The following TMEM95 variants were observed in gnomAD, a reference collection of about 807,000 sequenced individuals.
TMEM95 encodes the protein transmembrane protein 95.
Under a neutral mutation model 27.7 loss-of-function variants are expected in TMEM95, and 21 were observed. The observed-to-expected ratio is 0.76, with a 90% CI of 0.54 to 1.09. The LOEUF (loss-of-function observed/expected upper bound fraction) is 1.09. Ranked by LOEUF, TMEM95 falls within the 50% of genes least tolerant of loss-of-function variation. TMEM95 has a pLI of 0.00. For synonymous variants in TMEM95, 77 were observed against 85.7 expected, an observed-to-expected ratio of 0.90 and a Z score of 0.56; for missense variants, 203 against 217.9, an observed-to-expected ratio of 0.93 and a Z score of 0.43.
In TMEM95 at chr17:7,356,628, T is replaced by C. The variant is rs758341451; in HGVS notation, c.527T>C (p.Leu176Ser). The C allele has an allele frequency of 8.7e-6, 14 of 1,612,122 alleles. No individual in the cohort carries two copies. In the African/African-American group the frequency reaches 1.7e-4, roughly 20 times the overall value. ...ESHHLQAKSG[L>S] Reference sequence around the variant, plus strand: ...CACCACCTCCAAGCAAAAAGTGGCTTGTGAAGACGCTGAAAACCTCCCAGC... The same window carrying C: ...CACCACCTCCAAGCAAAAAGTGGCTCGTGAAGACGCTGAAAACCTCCCAGC... The change falls in exon 7 of 7, where the codon TTG becomes TCG. Residue 176 changes from leucine (L) to serine (S), a missense_variant. Leu to Ser is a moderately radical substitution (Grantham distance 145). Transcript: ENST00000576060.
At chr17:7,356,167 C>A in intron 4 of TMEM95, 29 bp from the exon 5 acceptor site, 2 of 1,582,770 alleles carry the variant, frequency 1.3e-6, no homozygotes, top group South Asian at 1.1e-5. Context: ...GCCTCCCCTC[C>A]CCAGCGTTGC....
In TMEM95 at chr17:7,356,627, T is replaced by C; in HGVS notation, c.526T>C (p.Leu176=). Residue 176 remains leucine (L), a synonymous_variant, in exon 7 of 7, where the codon TTG becomes CTG. Coordinates refer to ENST00000576060, the MANE Select transcript of TMEM95 (RefSeq NM_001320436.2). ...ESHHLQAKSG[L] is the part of the protein sequence containing the mutation. Reference sequence around the variant, plus strand: ...CCACCACCTCCAAGCAAAAAGTGGCTTGTGAAGACGCTGAAAACCTCCCAG... The same window carrying C: ...CCACCACCTCCAAGCAAAAAGTGGCCTGTGAAGACGCTGAAAACCTCCCAG... 1 of 1,611,840 alleles carries C rather than the reference T, an allele frequency of 6.2e-7. No homozygotes were observed. The highest frequency in any genetic ancestry group is 1.3e-5 in the African/African-American group (1 of 74,780).
chr17:7,356,787 A>C lies in TMEM95; in HGVS notation c.*155A>C. ...CATCCCTGCTTCTGGTTGGTGAGAT[A>C]ATGAAAAACAAGAAAATCCCCAAAA... On this transcript the variant is annotated 3_prime_UTR_variant, in exon 7 of 7. Coordinates refer to ENST00000576060, the MANE Select transcript of TMEM95 (RefSeq NM_001320436.2). 1.2e-6 allele frequency: 1 copy of C among 808,432 alleles called. No individual in the cohort carries two copies. Among genetic ancestry groups the C allele is most frequent in the Non-Finnish European group, 1.9e-6 (1 of 527,656 alleles). 50.1% of individuals were successfully genotyped at this position (808,432 alleles called of 1,614,324 possible).
At chr17:7,356,143 AG>A in intron 4 of TMEM95, 52 bp from the exon 5 acceptor site, 2 of 1,599,812 alleles carry the variant, frequency 1.3e-6, no homozygotes, top group East Asian at 2.2e-5. Flanking sequence ...GGTACCAGGC[AG>A]GGTGGAGGCC....
chr17:7,355,416 C>T lies in TMEM95; in HGVS notation c.169+43C>T, dbSNP rs753768087. On this transcript the variant is annotated intron_variant, in intron 1 of 6. Coordinates refer to ENST00000576060, the MANE Select transcript of TMEM95 (RefSeq NM_001320436.2). The surrounding 1 kb of genome is among the most constrained non-coding windows in gnomAD (Gnocchi z 4.9). ...GGGATGGGCCCAGCAAGCACTCACC[C>T]CCCTACCCCCAGAGGGTGGCATGTG... 6.3e-6 allele frequency: 10 copies of T among 1,587,210 alleles called. No individual in the cohort carries two copies. Among genetic ancestry groups the T allele is most frequent in the Admixed American group, 5.3e-5 (3 of 56,608 alleles).
At chr17:7,356,509 A>G in intron 6 of TMEM95, 30 bp downstream of exon 6, 2 of 1,611,444 alleles carry the variant, frequency 1.2e-6, no homozygotes, top group Non-Finnish European at 1.7e-6. Flanking sequence ...CAGGAATCCT[A>G]CCCCGCCCAG....
chr17:7,355,572 G>T lies in TMEM95; in HGVS notation c.170-14G>T. On this transcript the variant is annotated splice_polypyrimidine_tract_variant and intron_variant, in intron 1 of 6. Coordinates refer to ENST00000576060, the MANE Select transcript of TMEM95 (RefSeq NM_001320436.2). This position sits in a 1 kb window ranked among gnomAD's most constrained non-coding sequence, Gnocchi z 4.9. The stretch of plus-strand genomic sequence containing the variant: ...GCTGATGAGGGAATCGCTGGTCCTT[G>T]CCCATCTCCACAGATGAGGTGTCCA... 6.4e-7 allele frequency: 1 copy of T among 1,554,012 alleles called. No homozygotes were observed. The highest frequency in any genetic ancestry group is 8.7e-7 in the Non-Finnish European group (1 of 1,148,090).
In TMEM95 at chr17:7,355,951, T is replaced by C; in HGVS notation, c.307+33T>C. 1 of 1,613,744 alleles carries C rather than the reference T, an allele frequency of 6.2e-7. No individual in the cohort carries two copies. ...TGCGGGATGGGCCTCAAGGGGAGCC[T>C]AGGGTCTTAACCAAAGGAATGTGTG... is the stretch of plus-strand genomic sequence containing the variant. On this transcript the variant is annotated intron_variant, in intron 3 of 6. Transcript: ENST00000576060. The surrounding 1 kb of genome is among the most constrained non-coding windows in gnomAD (Gnocchi z 4.9).
chr17:7,356,761 A>G lies in TMEM95; in HGVS notation c.*129A>G. The stretch of plus-strand genomic sequence containing the variant: ...ACAGTCTCCAGACCCTAAAACCCAG[A>G]CATCCCTGCTTCTGGTTGGTGAGAT... On this transcript the variant is annotated 3_prime_UTR_variant, in exon 7 of 7. Coordinates refer to ENST00000576060, the MANE Select transcript of TMEM95 (RefSeq NM_001320436.2). 3.1e-6 allele frequency: 3 copies of G among 969,528 alleles called. No individual in the cohort carries two copies. The highest frequency in any genetic ancestry group is 1.7e-5 in the African/African-American group (1 of 60,114). The allele number at this position is 969,528 out of a possible 1,614,324, so 60.1% of individuals were successfully genotyped here. A position where few individuals can be genotyped will look rare whatever the true frequency, so the allele number is the denominator to read the frequency against.
rs193147964 is a variant in TMEM95 at position 7,356,707 on chromosome 17, C to G, written c.*75C>G. 2.0e-6 allele frequency: 3 copies of G among 1,517,684 alleles called. No individual in the cohort carries two copies. The African/African-American group carries it at 4.1e-5, about 21-fold the overall frequency. 94.0% of individuals were successfully genotyped at this position (1,517,684 alleles called of 1,614,324 possible). On this transcript the variant is annotated 3_prime_UTR_variant, in exon 7 of 7. Transcript: ENST00000576060. Reference sequence around the variant, plus strand: ...ACTTCCACATCCCTTGGAGGGGAACCAGTCAGCCCCTTAGTCCCAGCTCCA... The same window carrying G: ...ACTTCCACATCCCTTGGAGGGGAACGAGTCAGCCCCTTAGTCCCAGCTCCA...
chr17:7,355,756 G>T lies in TMEM95; in HGVS notation c.227-82G>T. 1.3e-6 allele frequency: 2 copies of T among 1,496,898 alleles called. No homozygotes were observed. Among genetic ancestry groups the T allele is most frequent in the South Asian group, 1.1e-5 (1 of 88,538 alleles). The allele number at this position is 1,496,898 out of a possible 1,614,324, so 92.7% of individuals were successfully genotyped here. A position where few individuals can be genotyped will look rare whatever the true frequency, so the allele number is the denominator to read the frequency against. On this transcript the variant is annotated intron_variant, in intron 2 of 6. Coordinates refer to ENST00000576060, the MANE Select transcript of TMEM95 (RefSeq NM_001320436.2). The surrounding 1 kb of genome is among the most constrained non-coding windows in gnomAD (Gnocchi z 4.9). ...GTGGAGGGGTAGAGACAGGAGGGCTGATCAGGGAGGGGCTGCGTGAAGAGA... is the reference window on the plus strand; with the variant it reads ...GTGGAGGGGTAGAGACAGGAGGGCTTATCAGGGAGGGGCTGCGTGAAGAGA...
At position 7,355,591 on chromosome 17, in the gene TMEM95, G is replaced by A; in HGVS notation, c.175G>A (p.Val59Met). 1.3e-6 allele frequency: 2 copies of A among 1,555,384 alleles called. No homozygotes were observed. The highest frequency in any genetic ancestry group is 1.4e-5 in the African/African-American group (1 of 73,278). The change falls in exon 2 of 7, where the codon GTG (valine) becomes ATG (methionine). Residue 59 changes from valine to methionine, a missense_variant. Transcript: ENST00000576060. This position sits in a 1 kb window ranked among gnomAD's most constrained non-coding sequence, Gnocchi z 4.9. ...PDFSAFALDE[V>M]SMNKVTEKTH... ...GTCCTTGCCCATCTCCACAGATGAG[G>A]TGTCCATGAACAAAGTCACAGAGAA...
chr17:7,356,130 C>A, intron 4 of TMEM95, 66 bp from the exon 5 acceptor site: 1 of 1,607,632 alleles, frequency 6.2e-7, no homozygotes, highest in Non-Finnish European at 8.5e-7. Context: ...CAGGAGGAAG[C>A]TGGGTACCAG....
At position 7,355,895 on chromosome 17, in the gene TMEM95, A is replaced by G; in HGVS notation, c.284A>G (p.Lys95Arg). The G allele has an allele frequency of 6.2e-7, 1 of 1,613,938 alleles. No homozygotes were observed. The stretch of plus-strand genomic sequence containing the variant: ...TATTGGAGTTGGCTTCGAAAGACCA[A>G]GCTCCCTGAGTACACCAGGGAAGGT... ...PSYWSWLRKT[K>R]LPEYTREALC... The change falls in exon 3 of 7, where the codon AAG (lysine) becomes AGG (arginine). Residue 95 changes from lysine (K) to arginine (R), a missense_variant. By Grantham distance (26) the Lys-to-Arg change is conservative. Coordinates refer to ENST00000576060, the MANE Select transcript of TMEM95 (RefSeq NM_001320436.2). This position sits in a 1 kb window ranked among gnomAD's most constrained non-coding sequence, Gnocchi z 4.9.
chr17:7,356,879 G>C lies in TMEM95; in HGVS notation c.*247G>C. 3 of 529,246 alleles carry C rather than the reference G, an allele frequency of 5.7e-6. No individual in the cohort carries two copies. The highest frequency in any genetic ancestry group is 1.0e-5 in the Non-Finnish European group (3 of 297,246). The allele number at this position is 529,246 out of a possible 1,614,324, so 32.8% of individuals were successfully genotyped here. ...GAACCCAGGCACCCACAGCTGGAAA[G>C]TTCCTCCCCTCCAGCCCTCAACCAA... On this transcript the variant is annotated 3_prime_UTR_variant, in exon 7 of 7. Transcript: ENST00000576060.
rs2073480754 is a variant in TMEM95 at position 7,355,682 on chromosome 17, G to A, written c.226+40G>A. ...AAAGAGTGACCTAGGGGCTTGGGAG[G>A]ATACCAAGGAGAGGGACGGGTGACA... On this transcript the variant is annotated intron_variant, in intron 2 of 6. Coordinates refer to ENST00000576060, the MANE Select transcript of TMEM95 (RefSeq NM_001320436.2). The surrounding 1 kb of genome is among the most constrained non-coding windows in gnomAD (Gnocchi z 4.9). 8.8e-7 allele frequency: 1 copy of A among 1,130,154 alleles called. No individual in the cohort carries two copies. Among genetic ancestry groups the A allele is most frequent in the African/African-American group, 1.6e-5 (1 of 62,582 alleles). The allele number at this position is 1,130,154 out of a possible 1,614,324, so 70.0% of individuals were successfully genotyped here. A position where few individuals can be genotyped will look rare whatever the true frequency, so the allele number is the denominator to read the frequency against.
Position 7,355,541 on chromosome 17 carries a change from A to G in TMEM95, c.170-45A>G. The G allele has an allele frequency of 6.5e-7, 1 of 1,549,618 alleles. No homozygotes were observed. On this transcript the variant is annotated intron_variant, in intron 1 of 6. Coordinates refer to ENST00000576060, the MANE Select transcript of TMEM95 (RefSeq NM_001320436.2). The surrounding 1 kb of genome is among the most constrained non-coding windows in gnomAD (Gnocchi z 4.9). The stretch of plus-strand genomic sequence containing the variant: ...TGGGAAAGTCAGGAGAGACCCCAGA[A>G]CCTGGGCTGATGAGGGAATCGCTGG...
intron 4 of TMEM95, 55 bp downstream of exon 4, chr17:7,356,104 G>T: frequency 1.2e-6 from 2 of 1,612,546 alleles, no homozygotes. Flanking sequence ...GGTGTCAGAG[G>T]AGGGCCTGGC....
chr17:7,355,868 C>G lies in TMEM95; in HGVS notation c.257C>G (p.Ser86Ter), dbSNP rs776290396. 1 of 1,614,000 alleles carries G rather than the reference C, an allele frequency of 6.2e-7. No individual in the cohort carries two copies. Among genetic ancestry groups the G allele is most frequent in the Non-Finnish European group, 8.5e-7 (1 of 1,179,990 alleles). The change falls in exon 3 of 7, where the codon TCA (serine) becomes TGA (stop). Residue 86 changes from serine to a stop codon, truncating the protein, a stop_gained. Coordinates refer to ENST00000576060, the MANE Select transcript of TMEM95 (RefSeq NM_001320436.2). LOFTEE classifies it high-confidence loss of function. The surrounding 1 kb of genome is among the most constrained non-coding windows in gnomAD (Gnocchi z 4.9). ...AAAGAGGCTGTCTCCTCACTCCCTT[C>G]ATATTGGAGTTGGCTTCGAAAGACC... Reference protein sequence around the residue: ...EIKEAVSSLPSYWSWLRKTKL... With the variant: ...EIKEAVSSLP
Sources: gnomAD v4.1 joint callset for allele counts on GRCh38, gnomAD v4.1.1 for gene constraint, Gnocchi (gnomAD v3.1) non-coding constraint, MANE v1.5 for transcripts, NCBI Gene and HGNC (gene_info 2026-07-23, HGNC 2026-07-21) for gene names.